Variants in PTPRR observed in about 807,000 individuals in gnomAD.
PTPRR encodes receptor-type tyrosine-protein phosphatase R.
A neutral mutation model predicts 77.2 loss-of-function variants in PTPRR; 38 were observed. That is an observed-to-expected ratio of 0.49 (90% CI 0.38 to 0.65). The LOEUF (loss-of-function observed/expected upper bound fraction) is 0.65, where lower values mean the gene tolerates loss of function less well. Among genes scored for constraint, PTPRR ranks in the 30% least tolerant of loss-of-function variants. PTPRR has a pLI of 0.00. For missense variants in PTPRR, 744 were observed against 799.2 expected (o/e 0.93, Z 0.83); for synonymous variants, 299 against 283.1 (o/e 1.06, Z -0.57).
At chr12:70,640,761 T>C (rs117697263) in intron 13 of PTPRR, among the ~76,000 whole-genome samples, 4,716 of 152,332 alleles carry the variant, frequency 0.031, 99 homozygotes, top group Non-Finnish European at 0.046. Context: ...ATGGTAATAA[T>C]AAAAACTGGG....
chr12:70,907,227 G>C (rs961393382), intron 1 of PTPRR, among the ~76,000 whole-genome samples: 1 of 152,194 alleles, frequency 6.6e-6, no homozygotes, highest in Non-Finnish European at 1.5e-5. Context: ...CAAAGTAATT[G>C]TTCTGTTTTT....
chr12:70,777,272 T>C (rs1220576697), intron 2 of PTPRR, among the ~76,000 whole-genome samples: 1 of 152,114 alleles, frequency 6.6e-6, no homozygotes, highest in Non-Finnish European at 1.5e-5. Context: ...AGATGTGTTT[T>C]ATTGCTTTGC....
chr12:70,918,365 T>C (rs1293219978), intron 1 of PTPRR, among the ~76,000 whole-genome samples: 3 of 152,246 alleles, frequency 2.0e-5, no homozygotes, highest in East Asian at 3.8e-4. Flanking sequence ...TATCTTGCAA[T>C]TGAAATATAA....
At chr12:70,754,328 C>T (rs760511399) in intron 4 of PTPRR, 27 bp from the exon 5 acceptor site, 19 of 1,611,354 alleles carry the variant, frequency 1.2e-5, no homozygotes, top group East Asian at 2.2e-5. Flanking sequence ...GAAAGTCCGA[C>T]GTTAAATGAG....
chr12:70,809,279 A>T (rs567058435), intron 2 of PTPRR, among the ~76,000 whole-genome samples: 3 of 152,178 alleles, frequency 2.0e-5, no homozygotes, highest in Non-Finnish European at 4.4e-5. Flanking sequence ...AGAAAGTACA[A>T]AGCCAGAAGG....
intron 2 of PTPRR, among the ~76,000 whole-genome samples, chr12:70,884,402 G>A (rs10879211): frequency 0.24 from 36,760 of 151,950 alleles, 4,634 homozygotes; most frequent in East Asian, 0.4. Context: ...AAGAAAAGGG[G>A]ACAAAGTCAT....
intron 10 of PTPRR, among the ~76,000 whole-genome samples, chr12:70,681,535 G>T (rs1887660731): frequency 6.6e-6 from 1 of 152,178 alleles, no homozygotes; most frequent in African/African-American, 2.4e-5. Context: ...CTGGGGAGAT[G>T]GCGGTGTGGC....
chr12:70,796,696 A>G (rs1460324797), intron 2 of PTPRR, among the ~76,000 whole-genome samples: 2 of 115,978 alleles, frequency 1.7e-5, no homozygotes, highest in Non-Finnish European at 4.0e-5. Flanking sequence ...CAGTGGCTGT[A>G]TATGTATATT....
chr12:70,816,801 T>C (rs1205733042), intron 2 of PTPRR, among the ~76,000 whole-genome samples: 3 of 152,034 alleles, frequency 2.0e-5, no homozygotes. Context: ...TATTTTAAAA[T>C]AGAAACTATG....
intron 2 of PTPRR, among the ~76,000 whole-genome samples, chr12:70,777,061 CATAATAT>C (rs1891104102): frequency 6.6e-6 from 1 of 151,892 alleles, no homozygotes; most frequent in African/African-American, 2.4e-5. Flanking sequence ...ATATATCATA[CATAATAT>C]ATATTACTAT....
intron 2 of PTPRR, among the ~76,000 whole-genome samples, chr12:70,861,638 A>G (rs1892755252): frequency 6.6e-6 from 1 of 152,116 alleles, no homozygotes; most frequent in East Asian, 1.9e-4. Flanking sequence ...GCTGTGTTCT[A>G]GGCTGCAGTG....
intron 13 of PTPRR, among the ~76,000 whole-genome samples, chr12:70,654,888 T>A (rs984263253): frequency 3.3e-5 from 5 of 152,174 alleles, no homozygotes; most frequent in African/African-American, 1.2e-4. Flanking sequence ...CAAGGGATCC[T>A]CCTGTTTTGG....
At chr12:70,815,468 A>G (rs957515445) in intron 2 of PTPRR, among the ~76,000 whole-genome samples, 2 of 152,198 alleles carry the variant, frequency 1.3e-5, no homozygotes, top group African/African-American at 4.8e-5. Flanking sequence ...AATGAACCTA[A>G]TGTAGAAATG....
chr12:70,769,765 C>G lies in PTPRR; in HGVS notation c.358-4987G>C, dbSNP rs1444194042. Among the ~76,000 whole-genome samples the G allele has an allele frequency of 4.8e-3, 736 of 151,922 alleles. 3 individuals carry two copies. Among genetic ancestry groups the G allele is most frequent in the African/African-American group, 0.017 (713 of 41,260 alleles). On this transcript the variant is annotated intron_variant, in intron 2 of 13. Transcript: ENST00000283228. ...TGCTACCTCACTTCAAACTATACTA[C>G]AAGGCTACAGTAAACAAAACAGCAT...
chr12:70,773,936 GA>G (rs891692660), intron 2 of PTPRR, among the ~76,000 whole-genome samples: 4 of 152,208 alleles, frequency 2.6e-5, no homozygotes, highest in Admixed American at 2.6e-4. Flanking sequence ...CAGTGATCAG[GA>G]AAGTAGCATT....
chr12:70,870,220 G>T (rs1226045014), intron 2 of PTPRR, among the ~76,000 whole-genome samples: 1 of 152,158 alleles, frequency 6.6e-6, no homozygotes, highest in Non-Finnish European at 1.5e-5. Context: ...GAAAGGGGAT[G>T]CAGAGCAACA....
chr12:70,835,688 C>T (rs1204652808), intron 2 of PTPRR, among the ~76,000 whole-genome samples: 1 of 152,118 alleles, frequency 6.6e-6, no homozygotes, highest in African/African-American at 2.4e-5. Flanking sequence ...ATATTAACTT[C>T]TAGTTCCAAG....
In PTPRR at chr12:70,638,699, C is replaced by G. The variant is rs1386955098; in HGVS notation, c.*485G>C. ...TATCAATCACTTGCAACTTTAGCAGCAAGATTCTGGTAACTGAGAAAGGTA... is the reference window on the plus strand; with the variant it reads ...TATCAATCACTTGCAACTTTAGCAGGAAGATTCTGGTAACTGAGAAAGGTA... On this transcript the variant is annotated 3_prime_UTR_variant, in exon 14 of 14. Transcript: ENST00000283228. 6.6e-6 allele frequency: 1 copy of G among 152,356 alleles called. No individual in the cohort carries two copies. Among genetic ancestry groups the G allele is most frequent in the Non-Finnish European group, 1.5e-5 (1 of 68,166 alleles). The allele number at this position is 152,356 out of a possible 1,614,324, so 9.4% of individuals were successfully genotyped here. A position where few individuals can be genotyped will look rare whatever the true frequency, so the allele number is the denominator to read the frequency against.
chr12:70,769,566 A>G (rs920012267), intron 2 of PTPRR, among the ~76,000 whole-genome samples: 8 of 152,268 alleles, frequency 5.3e-5, no homozygotes, highest in African/African-American at 1.7e-4. Context: ...AATCAATATC[A>G]TGAAAATGGC....
Sources: gnomAD v4.1 joint callset for allele counts (sites outside exome capture counted in the v4.1 genomes callset) on GRCh38, gnomAD v4.1.1 for gene constraint, MANE v1.5 for transcripts, NCBI Gene and HGNC (gene_info 2026-07-23, HGNC 2026-07-21) for gene names.